The following HMGB1 variants were observed in gnomAD, a reference collection of about 807,000 sequenced individuals.
HMGB1 encodes high mobility group box 1.
For synonymous variants in HMGB1, 81 were observed against 84.0 expected, an observed-to-expected ratio of 0.96 and a Z score of 0.19; for missense variants, 79 against 253.5, an observed-to-expected ratio of 0.31 and a Z score of 4.67.
At chr13:30,531,649 C>T (rs1379333424) in intron 1 of HMGB1, among the ~76,000 whole-genome samples, 1 of 151,852 alleles carries the variant, frequency 6.6e-6, no homozygotes. Flanking sequence ...CCTGTAATCC[C>T]AGCACTTTGG....
At chr13:30,527,091 A>T (rs1888385946) in intron 1 of HMGB1, among the ~76,000 whole-genome samples, 2 of 152,326 alleles carry the variant, frequency 1.3e-5, no homozygotes, top group African/African-American at 4.8e-5. Context: ...CTAGAGGCTC[A>T]AGAGTCCTCA....
intron 1 of HMGB1, among the ~76,000 whole-genome samples, chr13:30,514,263 A>AGTACTGAGCT (rs1888053931): frequency 1.3e-5 from 2 of 151,628 alleles, no homozygotes; most frequent in African/African-American, 4.8e-5. Context: ...ATAAACCCCT[A>AGTACTGAGCT]GTACTGAGCT....
At chr13:30,470,289 G>A (rs1227809633), upstream of HMGB1, among the ~76,000 whole-genome samples, 1 of 152,210 alleles carries the variant, frequency 6.6e-6, no homozygotes. Context: ...GAAGGAGTAC[G>A]TATTGCAAAT....
intron 1 of HMGB1, among the ~76,000 whole-genome samples, chr13:30,513,429 C>G (rs1310080646): frequency 2.0e-5 from 3 of 152,330 alleles, no homozygotes; most frequent in Admixed American, 2.0e-4. Context: ...ACCAAAACAT[C>G]TGCACAGGTG....
chr13:30,561,260 C>G (rs958907598), intron 1 of HMGB1, among the ~76,000 whole-genome samples: 3 of 152,094 alleles, frequency 2.0e-5, no homozygotes, highest in African/African-American at 7.2e-5. Context: ...TAGTCTGGAG[C>G]TCAGGAGGAA....
intron 1 of HMGB1, chr13:30,464,346 G>GT (rs1886570934): frequency 1.2e-5 from 12 of 985,358 alleles, no homozygotes; most frequent in Non-Finnish European, 1.4e-5. Flanking sequence ...CCGGTCTGAA[G>GT]TTTCTCCGAG....
At position 30,461,268 on chromosome 13, in the gene HMGB1, TTC is replaced by T. The variant is rs1886308771; in HGVS notation, c.*87_*88del. On this transcript the variant is annotated 3_prime_UTR_variant, in exon 5 of 5. Transcript: ENST00000341423. ...AAACAAATCTTACACAGCCTTACAT[TTC>T]AATTTTTTTCTTTAAAAGGAGTGAG... is the stretch of plus-strand genomic sequence containing the variant. The T allele has an allele frequency of 6.6e-7, 1 of 1,504,434 alleles. No individual in the cohort carries two copies. The highest frequency in any genetic ancestry group is 8.8e-7 in the Non-Finnish European group (1 of 1,130,612). 93.2% of individuals were successfully genotyped at this position (1,504,434 alleles called of 1,614,324 possible). A position where few individuals can be genotyped will look rare whatever the true frequency, so the allele number is the denominator to read the frequency against.
chr13:30,489,560 C>T (rs1271695602), intron 1 of HMGB1, among the ~76,000 whole-genome samples: 2 of 152,024 alleles, frequency 1.3e-5, no homozygotes, highest in Non-Finnish European at 2.9e-5. Context: ...TGTATTTGAC[C>T]TAATAGCACG....
chr13:30,469,466 G>GGCACAATCTTGGATCACTGCAACC (rs1565997624), upstream of HMGB1, among the ~76,000 whole-genome samples: 3 of 119,470 alleles, frequency 2.5e-5, no homozygotes, highest in Admixed American at 1.7e-4. Context: ...TGTATTTTTT[G>GGCACAATCTTGGATCACTGCAACC]TTTTTTTTTT....
At chr13:30,492,209 G>C (rs1239469828) in intron 1 of HMGB1, among the ~76,000 whole-genome samples, 1 of 151,768 alleles carries the variant, frequency 6.6e-6, no homozygotes, top group Admixed American at 6.6e-5. Flanking sequence ...AAATGAAAAG[G>C]CTAGGCACAG....
chr13:30,536,485 G>A (rs938650907), intron 1 of HMGB1, among the ~76,000 whole-genome samples: 5 of 152,132 alleles, frequency 3.3e-5, no homozygotes, highest in African/African-American at 1.2e-4. Flanking sequence ...GAGTAGCTGG[G>A]ACTATAGGCA....
Position 30,460,584 on chromosome 13 carries a change from T to C in HMGB1, c.*773A>G, listed in dbSNP as rs2137389071. On this transcript the variant is annotated 3_prime_UTR_variant, in exon 5 of 5. Coordinates refer to ENST00000341423, the MANE Select transcript of HMGB1 (RefSeq NM_002128.7). Reference sequence around the variant, plus strand: ...CTATTAGTCCTTCAAGGACAGACTTTCAAAATGTTTGATTCTAATAATCCC... The same window carrying C: ...CTATTAGTCCTTCAAGGACAGACTTCCAAAATGTTTGATTCTAATAATCCC... 6.5e-6 allele frequency: 1 copy of C among 152,716 alleles called. No homozygotes were observed. The highest frequency in any genetic ancestry group is 1.9e-4 in the East Asian group (1 of 5,192). 9.5% of individuals were successfully genotyped at this position (152,716 alleles called of 1,614,324 possible). A position where few individuals can be genotyped will look rare whatever the true frequency, so the allele number is the denominator to read the frequency against.
At chr13:30,554,606 T>C in intron 1 of HMGB1, 1 of 771,584 alleles carries the variant, frequency 1.3e-6, no homozygotes. Context: ...GACTGAAAAA[T>C]ACAATGGGAA....
chr13:30,465,066 A>C, intron 1 of HMGB1: 1 of 796,880 alleles, frequency 1.3e-6, no homozygotes. Context: ...AGGAAAAAAA[A>C]AGTTGCCTCG....
intron 1 of HMGB1, among the ~76,000 whole-genome samples, chr13:30,474,027 T>TG (rs1452891793): frequency 1.3e-5 from 2 of 152,222 alleles, no homozygotes; most frequent in Non-Finnish European, 2.9e-5. Flanking sequence ...AGTAGATTAG[T>TG]GGCTGCCAGG....
chr13:30,507,830 C>T (rs931532814), intron 1 of HMGB1, among the ~76,000 whole-genome samples: 1 of 152,000 alleles, frequency 6.6e-6, no homozygotes, highest in Admixed American at 6.6e-5. Flanking sequence ...TCCATCTCTA[C>T]ATAAAATTTT....
At chr13:30,521,444 G>C (rs1025100333) in intron 1 of HMGB1, among the ~76,000 whole-genome samples, 1 of 152,102 alleles carries the variant, frequency 6.6e-6, no homozygotes, top group Admixed American at 6.6e-5. Flanking sequence ...GCCTATTCTG[G>C]ATATTTTGTA....
At chr13:30,515,106 A>G (rs1387257947) in intron 1 of HMGB1, among the ~76,000 whole-genome samples, 3 of 152,256 alleles carry the variant, frequency 2.0e-5, no homozygotes, top group African/African-American at 4.8e-5. Context: ...TCAAAGCACA[A>G]GAAGACTAGG....
intron 1 of HMGB1, among the ~76,000 whole-genome samples, chr13:30,530,438 A>C (rs915729611): frequency 6.6e-6 from 1 of 152,230 alleles, no homozygotes; most frequent in Non-Finnish European, 1.5e-5. Context: ...AAAGGAACTC[A>C]TACATGTACT....
Sources: allele counts gnomAD v4.1 joint callset (sites outside exome capture counted in the v4.1 genomes callset), GRCh38; gene constraint gnomAD v4.1.1; transcripts MANE v1.5; gene names NCBI Gene and HGNC (gene_info 2026-07-23, HGNC 2026-07-21).